The following FNDC3B variants were observed in gnomAD, a reference collection of about 807,000 sequenced individuals.
FNDC3B encodes fibronectin type III domain-containing protein 3B.
In FNDC3B, 12 loss-of-function variants were observed where a neutral mutation model predicts 151.5. The observed-to-expected ratio is 0.08, with a 90% CI of 0.05 to 0.13. The LOEUF (loss-of-function observed/expected upper bound fraction) is 0.13, where lower values mean the gene tolerates loss of function less well. Ranked by LOEUF, FNDC3B falls within the 10% of genes least tolerant of loss-of-function variation. FNDC3B has a pLI of 1.00. For missense variants in FNDC3B, 1,214 were observed against 1,505.3 expected, an observed-to-expected ratio of 0.81 and a Z score of 3.20; for synonymous variants, 528 against 549.0, an observed-to-expected ratio of 0.96 and a Z score of 0.54.
At chr3:172,088,916 T>C (rs1210468148) in intron 1 of FNDC3B, among the ~76,000 whole-genome samples, 5 of 152,350 alleles carry the variant, frequency 3.3e-5, no homozygotes, top group African/African-American at 9.6e-5. Flanking sequence ...TTTTTACTCA[T>C]TTATTCAACT....
intron 3 of FNDC3B, among the ~76,000 whole-genome samples, chr3:172,168,601 GATA>G (rs1218445335): frequency 6.6e-6 from 1 of 151,962 alleles, no homozygotes; most frequent in African/African-American, 2.4e-5. Flanking sequence ...TTTAATAACT[GATA>G]ATATATACTC....
At chr3:172,292,181 CA>C (rs1405508013) in intron 7 of FNDC3B, among the ~76,000 whole-genome samples, 1 of 152,096 alleles carries the variant, frequency 6.6e-6, no homozygotes. Context: ...AGCAGGAGGA[CA>C]AGAAGGATTT....
At chr3:172,387,624 G>T (rs1735787332) in intron 25 of FNDC3B, among the ~76,000 whole-genome samples, 1 of 152,066 alleles carries the variant, frequency 6.6e-6, no homozygotes, top group Non-Finnish European at 1.5e-5. Context: ...GTATCTGAAG[G>T]TCATGACCCC....
chr3:172,128,428 A>G (rs967860722), intron 2 of FNDC3B, among the ~76,000 whole-genome samples: 4 of 152,210 alleles, frequency 2.6e-5, no homozygotes, highest in Admixed American at 6.5e-5. Flanking sequence ...AAACACAAAT[A>G]CTGCTTACTT....
intron 3 of FNDC3B, among the ~76,000 whole-genome samples, chr3:172,185,727 A>G (rs1288474455): frequency 6.6e-6 from 1 of 152,240 alleles, no homozygotes; most frequent in Non-Finnish European, 1.5e-5. Flanking sequence ...AGGCCAATGG[A>G]ATCTGTGAAT....
At chr3:172,124,359 G>T (rs1380444342) in intron 2 of FNDC3B, among the ~76,000 whole-genome samples, 1 of 152,226 alleles carries the variant, frequency 6.6e-6, no homozygotes, top group Non-Finnish European at 1.5e-5. Flanking sequence ...CCAAAGTGCT[G>T]GGATTTCGGG....
At chr3:172,234,599 T>G (rs905170905) in intron 4 of FNDC3B, among the ~76,000 whole-genome samples, 1 of 152,230 alleles carries the variant, frequency 6.6e-6, no homozygotes, top group Admixed American at 6.5e-5. Context: ...GCACACTTAT[T>G]GACATTTAGC....
intron 1 of FNDC3B, among the ~76,000 whole-genome samples, chr3:172,071,110 AT>A (rs1169625513): frequency 6.6e-6 from 1 of 152,108 alleles, no homozygotes; most frequent in African/African-American, 2.4e-5. Context: ...AAATTAGTCT[AT>A]TTTTCAGACT....
intron 3 of FNDC3B, among the ~76,000 whole-genome samples, chr3:172,175,620 C>T (rs941865849): frequency 2.0e-5 from 3 of 152,024 alleles, no homozygotes; most frequent in African/African-American, 7.3e-5. Flanking sequence ...CTTAGAGATA[C>T]GAAAATGAAT....
At chr3:172,245,319 A>G (rs1027896458) in intron 4 of FNDC3B, among the ~76,000 whole-genome samples, 3 of 152,168 alleles carry the variant, frequency 2.0e-5, no homozygotes, top group East Asian at 1.9e-4. Flanking sequence ...TCAGTTGTCT[A>G]TGTTGCTGGT....
intron 23 of FNDC3B, among the ~76,000 whole-genome samples, chr3:172,375,411 AGG>A (rs1735081278): frequency 6.6e-6 from 1 of 152,180 alleles, no homozygotes; most frequent in Non-Finnish European, 1.5e-5. Flanking sequence ...CAAAGCTCTT[AGG>A]ATTCCTTATG....
chr3:172,208,485 G>A (rs1725544841), intron 3 of FNDC3B, among the ~76,000 whole-genome samples: 1 of 152,148 alleles, frequency 6.6e-6, no homozygotes, highest in South Asian at 2.1e-4. Flanking sequence ...AGTTTTAGTG[G>A]ACAATATGGT....
chr3:172,374,562 T>C, intron 23 of FNDC3B, among the ~76,000 whole-genome samples: 1 of 152,026 alleles, frequency 6.6e-6, no homozygotes, highest in Non-Finnish European at 1.5e-5. Flanking sequence ...GCCTGGCTAA[T>C]TTTTGTGTTT....
chr3:172,049,958 G>A (rs367632898), intron 1 of FNDC3B, among the ~76,000 whole-genome samples: 1 of 152,158 alleles, frequency 6.6e-6, no homozygotes, highest in African/African-American at 2.4e-5. Flanking sequence ...GAATTCTTTA[G>A]TTCCTTAGAC....
chr3:172,131,514 CA>C (rs563253293), intron 2 of FNDC3B, among the ~76,000 whole-genome samples: 1 of 151,926 alleles, frequency 6.6e-6, no homozygotes, highest in Non-Finnish European at 1.5e-5. Flanking sequence ...ACTGAAAACT[CA>C]AAGATTATCT....
intron 3 of FNDC3B, among the ~76,000 whole-genome samples, chr3:172,223,774 G>A (rs1726410102): frequency 6.6e-6 from 1 of 151,970 alleles, no homozygotes; most frequent in Non-Finnish European, 1.5e-5. Flanking sequence ...TTTACTACTT[G>A]TAATAGTAAC....
chr3:172,376,654 G>A (rs1735154880), intron 23 of FNDC3B, among the ~76,000 whole-genome samples: 1 of 152,162 alleles, frequency 6.6e-6, no homozygotes, highest in African/African-American at 2.4e-5. Context: ...CATGGTATTT[G>A]TGGGTTTCAG....
chr3:172,372,882 G>A (rs940130779), intron 23 of FNDC3B, among the ~76,000 whole-genome samples: 7 of 152,184 alleles, frequency 4.6e-5, no homozygotes, highest in African/African-American at 9.7e-5. Context: ...AACAATCTAC[G>A]AGGTAGATGC....
At chr3:172,255,162 A>T (rs571494548) in intron 6 of FNDC3B, among the ~76,000 whole-genome samples, 5 of 151,980 alleles carry the variant, frequency 3.3e-5, no homozygotes, top group Non-Finnish European at 7.4e-5. Flanking sequence ...CCAGCTCCCT[A>T]CATTTCTTCT....
Sources: allele counts gnomAD v4.1 joint callset (sites outside exome capture counted in the v4.1 genomes callset), GRCh38; gene constraint gnomAD v4.1.1; transcripts MANE v1.5; gene names NCBI Gene and HGNC (gene_info 2026-07-23, HGNC 2026-07-21).